TLN2: variants seen among roughly 807,000 people sequenced by gnomAD.
TLN2 encodes talin-2.
TLN2 carries 118 observed loss-of-function variants against 294.7 expected under a neutral mutation model. That is an observed-to-expected ratio of 0.40 (90% CI 0.34 to 0.47). The LOEUF (loss-of-function observed/expected upper bound fraction) is 0.47. Among genes scored for constraint, TLN2 ranks in the 20% least tolerant of loss-of-function variants. The probability of loss-of-function intolerance (pLI) is 0.84; values close to 1 mark genes in which losing one functional copy is unlikely to be tolerated. For missense variants in TLN2, 3,083 were observed against 3,282.2 expected, an observed-to-expected ratio of 0.94 and a Z score of 1.48; for synonymous variants, 1,431 against 1,304.5, an observed-to-expected ratio of 1.10 and a Z score of -2.09.
At chr15:62,636,074 C>T (rs868155312) in intron 3 of TLN2, among the ~76,000 whole-genome samples, 2 of 152,014 alleles carry the variant, frequency 1.3e-5, no homozygotes, top group East Asian at 1.9e-4. Flanking sequence ...CAGTGCCAGG[C>T]GCGTAATCAC....
At chr15:62,460,782 G>T (rs533731194) in intron 1 of TLN2, among the ~76,000 whole-genome samples, 1 of 152,112 alleles carries the variant, frequency 6.6e-6, no homozygotes, top group Non-Finnish European at 1.5e-5. Flanking sequence ...ATAACTGGAC[G>T]AGTTGATGAA....
chr15:62,390,855 A>G (rs943774332), intron 1 of TLN2, among the ~76,000 whole-genome samples, 170 bp downstream of exon 1: 1 of 152,062 alleles, frequency 6.6e-6, no homozygotes, highest in African/African-American at 2.4e-5. Flanking sequence ...TAAAGCTCCC[A>G]GATTTGATGG....
intron 16 of TLN2, 57 bp from the exon 17 acceptor site, chr15:62,701,049 C>T (rs1454001262): frequency 1.2e-5 from 17 of 1,460,224 alleles, no homozygotes; most frequent in African/African-American, 2.8e-5. Flanking sequence ...GGGGCTTCTC[C>T]GGTCTCCTGG....
intron 9 of TLN2, among the ~76,000 whole-genome samples, chr15:62,672,992 C>A (rs1226110307): frequency 6.6e-6 from 1 of 151,802 alleles, no homozygotes. Flanking sequence ...TGGTTCCTAA[C>A]AGCAACCATA....
rs2070585162 is a variant in TLN2, at chr15:62,840,755, T to A, written c.*145T>A. Reference sequence around the variant, plus strand: ...AGCCCTGCGTGCTTGTTCTCACATCTCTGTCCCGTCGGCACTGGCTGCATG... The same window carrying A: ...AGCCCTGCGTGCTTGTTCTCACATCACTGTCCCGTCGGCACTGGCTGCATG... On this transcript the variant is annotated 3_prime_UTR_variant, in exon 59 of 59. Coordinates refer to ENST00000636159, the MANE Select transcript of TLN2 (RefSeq NM_015059.3). 1 of 1,165,956 alleles carries A rather than the reference T, an allele frequency of 8.6e-7. No individual in the cohort carries two copies. Among genetic ancestry groups the A allele is most frequent in the Admixed American group, 2.9e-5 (1 of 34,898 alleles). 72.2% of individuals were successfully genotyped at this position (1,165,956 alleles called of 1,614,324 possible).
At chr15:62,609,277 C>T (rs1476556118) in intron 2 of TLN2, among the ~76,000 whole-genome samples, 1 of 152,196 alleles carries the variant, frequency 6.6e-6, no homozygotes, top group Non-Finnish European at 1.5e-5. Context: ...AATCACCCAC[C>T]ATTTCTTTTA....
chr15:62,684,952 C>G (rs962723644), intron 11 of TLN2, among the ~76,000 whole-genome samples: 7 of 150,638 alleles, frequency 4.6e-5, no homozygotes, highest in African/African-American at 1.7e-4. Context: ...TGCATAGATA[C>G]TTTGTGTGAA....
At chr15:62,690,797 G>T (rs1242050763) in intron 12 of TLN2, among the ~76,000 whole-genome samples, 1 of 150,886 alleles carries the variant, frequency 6.6e-6, no homozygotes, top group African/African-American at 2.5e-5. Flanking sequence ...GATCACTCGC[G>T]GTTAGGAGCT....
intron 1 of TLN2, among the ~76,000 whole-genome samples, chr15:62,566,731 C>G (rs930484347): frequency 6.6e-6 from 1 of 151,366 alleles, no homozygotes; most frequent in East Asian, 1.9e-4. Flanking sequence ...TCAAGAGATG[C>G]TCTCACCTCA....
chr15:62,672,373 T>C (rs2414781), intron 9 of TLN2, among the ~76,000 whole-genome samples: 143,430 of 152,172 alleles, frequency 0.94, 68,093 homozygotes, highest in Non-Finnish European at 1. Context: ...TAACTTACTG[T>C]GGTCATCCTT....
chr15:62,653,901 G>A (rs183153270), intron 7 of TLN2, among the ~76,000 whole-genome samples: 4 of 152,128 alleles, frequency 2.6e-5, no homozygotes, highest in Admixed American at 6.5e-5. Flanking sequence ...AAGTTAATTA[G>A]TTAATTAATT....
At chr15:62,680,896 A>C (rs938827539) in intron 11 of TLN2, among the ~76,000 whole-genome samples, 1 of 152,184 alleles carries the variant, frequency 6.6e-6, no homozygotes, top group Non-Finnish European at 1.5e-5. Flanking sequence ...AAGTTGTTGC[A>C]AAGGACATTA....
At chr15:62,580,535 C>T (rs539811477) in intron 1 of TLN2, among the ~76,000 whole-genome samples, 3 of 152,072 alleles carry the variant, frequency 2.0e-5, no homozygotes, top group East Asian at 3.9e-4. Context: ...CTCAGCCTCG[C>T]GAGTAGCCGG....
intron 2 of TLN2, among the ~76,000 whole-genome samples, chr15:62,600,703 A>G (rs1294887854): frequency 6.6e-6 from 1 of 152,252 alleles, no homozygotes; most frequent in Non-Finnish European, 1.5e-5. Flanking sequence ...AGAGAATTTT[A>G]TGGACAACTG....
At chr15:62,821,712 T>G (rs1050736669) in intron 54 of TLN2, among the ~76,000 whole-genome samples, 2 of 152,152 alleles carry the variant, frequency 1.3e-5, no homozygotes, top group African/African-American at 4.8e-5. Context: ...GGGCTTCTGA[T>G]TGTGGGGTTT....
intron 1 of TLN2, among the ~76,000 whole-genome samples, chr15:62,471,497 G>A (rs766676725): frequency 9.2e-5 from 14 of 152,178 alleles, no homozygotes; most frequent in African/African-American, 2.7e-4. Context: ...TACCCCAGCC[G>A]CACCCTGTAT....
At chr15:62,571,802 G>C (rs1276857791) in intron 1 of TLN2, among the ~76,000 whole-genome samples, 3 of 152,174 alleles carry the variant, frequency 2.0e-5, no homozygotes, top group Admixed American at 2.0e-4. Flanking sequence ...CAACTCTGAA[G>C]GGCTTTTTCT....
chr15:62,781,394 C>T (rs979062512), intron 44 of TLN2, among the ~76,000 whole-genome samples, 153 bp downstream of exon 44: 1 of 152,194 alleles, frequency 6.6e-6, no homozygotes, highest in Non-Finnish European at 1.5e-5. Context: ...TATCTGTGGT[C>T]TTTCTGGCTG....
At chr15:62,513,000 C>T (rs2040008444) in intron 1 of TLN2, among the ~76,000 whole-genome samples, 1 of 152,168 alleles carries the variant, frequency 6.6e-6, no homozygotes, top group Admixed American at 6.5e-5. Context: ...TTCAAGGATT[C>T]TAATTTCTTC....
Sources: allele counts gnomAD v4.1 joint callset (sites outside exome capture counted in the v4.1 genomes callset), GRCh38; gene constraint gnomAD v4.1.1; transcripts MANE v1.5; gene names NCBI Gene and HGNC (gene_info 2026-07-23, HGNC 2026-07-21).